Variants in MGST1 observed in about 807,000 individuals in gnomAD.
The protein encoded by MGST1 is glutathione S-transferase 12.
In MGST1, 5 loss-of-function variants were observed where a neutral mutation model predicts 8.9. That is an observed-to-expected ratio of 0.56 (90% CI 0.29 to 1.19). The LOEUF (loss-of-function observed/expected upper bound fraction) is 1.19, where lower values mean the gene tolerates loss of function less well. MGST1 is among the 50% of genes most tolerant of loss of function. The probability of loss-of-function intolerance (pLI) is 0.08; values close to 1 mark genes in which losing one functional copy is unlikely to be tolerated. For missense variants in MGST1, 182 were observed against 187.4 expected (o/e 0.97, Z 0.17); for synonymous variants, 54 against 67.8 (o/e 0.80, Z 1.00).
intron 4 of MGST1, among the ~76,000 whole-genome samples, chr12:16,444,182 GGT>G (rs1565455906): frequency 1.5e-5 from 2 of 135,050 alleles, no homozygotes; most frequent in Admixed American, 7.5e-5. Flanking sequence ...TGGCTGATTT[GGT>G]TTTTTTTTTT....
At chr12:16,545,247 T>C (rs573838606) in intron 4 of MGST1, among the ~76,000 whole-genome samples, 3 of 152,164 alleles carry the variant, frequency 2.0e-5, no homozygotes, top group African/African-American at 7.2e-5. Flanking sequence ...TAAATGGTGT[T>C]CAAATGTTGA....
chr12:16,379,111 C>A (rs1273193180), downstream of MGST1, among the ~76,000 whole-genome samples: 2 of 152,098 alleles, frequency 1.3e-5, no homozygotes, highest in African/African-American at 4.8e-5. Context: ...AATTTGACTT[C>A]CTCTTTTCCT....
In MGST1 at chr12:16,537,838, C is replaced by G. The variant is rs1941764889; in HGVS notation, n.483-51690C>G. ...CAGCCCAGGAAACCATTTTTTCCTC[C>G]TAGCCTTCCCGGTCTGTGATGGGAG... On this transcript the variant is annotated intron_variant and non_coding_transcript_variant, in intron 4 of 4. Coordinates refer to the MGST1 transcript ENST00000538857. This position sits in a 1 kb window ranked among gnomAD's most constrained non-coding sequence, Gnocchi z 4.6. Among the ~76,000 whole-genome samples the G allele has an allele frequency of 6.6e-6, 1 of 152,138 alleles. No individual in the cohort carries two copies. The highest frequency in any genetic ancestry group is 1.5e-5 in the Non-Finnish European group (1 of 67,988).
chr12:16,505,046 C>A (rs1052342559), intron 4 of MGST1, among the ~76,000 whole-genome samples: 1 of 152,122 alleles, frequency 6.6e-6, no homozygotes, highest in African/African-American at 2.4e-5. Flanking sequence ...GTTTCTGTCT[C>A]AACAAATTAT....
chr12:16,527,838 G>A (rs1327438165), intron 4 of MGST1, among the ~76,000 whole-genome samples: 1 of 151,894 alleles, frequency 6.6e-6, no homozygotes, highest in Non-Finnish European at 1.5e-5. Flanking sequence ...AGCCTTTATT[G>A]TCTGGCCCAG....
chr12:16,403,456 G>C (rs1940676268), intron 1 of MGST1, among the ~76,000 whole-genome samples: 1 of 151,984 alleles, frequency 6.6e-6, no homozygotes, highest in Non-Finnish European at 1.5e-5. Flanking sequence ...GATGTTCCAA[G>C]TGTATTTGAA....
intron 4 of MGST1, among the ~76,000 whole-genome samples, chr12:16,534,156 A>T (rs555062867): frequency 6.6e-6 from 1 of 152,320 alleles, no homozygotes; most frequent in African/African-American, 2.4e-5. Flanking sequence ...TCCAAACAAT[A>T]AAAAATCATT....
intron 1 of MGST1, among the ~76,000 whole-genome samples, chr12:16,384,363 T>C (rs759228180): frequency 1.3e-5 from 2 of 152,172 alleles, no homozygotes; most frequent in Non-Finnish European, 2.9e-5. Flanking sequence ...TAGATTGGGC[T>C]CTAAATCCAA....
intron 4 of MGST1, among the ~76,000 whole-genome samples, chr12:16,538,613 T>G (rs1941772033): frequency 1.3e-5 from 2 of 150,086 alleles, no homozygotes; most frequent in South Asian, 4.2e-4. Context: ...CACTTCTTTT[T>G]TTTTTTTTTT....
intron 4 of MGST1, among the ~76,000 whole-genome samples, chr12:16,578,424 G>A (rs539354879): frequency 6.6e-6 from 1 of 152,306 alleles, no homozygotes; most frequent in East Asian, 1.9e-4. Flanking sequence ...GAGGAACAGG[G>A]AAGAGAAGAA....
intron 4 of MGST1, among the ~76,000 whole-genome samples, chr12:16,536,550 A>G (rs1941757972): frequency 6.6e-6 from 1 of 152,238 alleles, no homozygotes; most frequent in Non-Finnish European, 1.5e-5. Flanking sequence ...CAACCTTGAA[A>G]TGACAATGTA....
intron 4 of MGST1, among the ~76,000 whole-genome samples, chr12:16,499,459 C>G (rs928963841): frequency 6.6e-6 from 1 of 152,108 alleles, no homozygotes; most frequent in African/African-American, 2.4e-5. Flanking sequence ...ATTTGTTTCC[C>G]TGTTTTTTGT....
chr12:16,421,970 G>C (rs749985689), intron 1 of MGST1, among the ~76,000 whole-genome samples: 10 of 152,254 alleles, frequency 6.6e-5, no homozygotes, highest in Middle Eastern at 3.4e-3. Flanking sequence ...GATCTTTGTG[G>C]CTGGCTGGTT....
rs563066833 is a variant in MGST1, at chr12:16,449,777, C to A, written n.482+66173C>A. On this transcript the variant is annotated intron_variant and non_coding_transcript_variant, in intron 4 of 4. Transcript: ENST00000538857. Reference sequence around the variant, plus strand: ...CAAGTGAGTCCTTCCACTCATCCATCTATCCCCCCATTCTTCCATTCTCCC... The same window carrying A: ...CAAGTGAGTCCTTCCACTCATCCATATATCCCCCCATTCTTCCATTCTCCC... Among the ~76,000 whole-genome samples, 10 of 152,086 alleles carry A rather than the reference C, an allele frequency of 6.6e-5. No individual in the cohort carries two copies. The South Asian group carries it at 1.7e-3, about 25-fold the overall frequency.
At chr12:16,478,111 C>T (rs1382549546) in intron 4 of MGST1, among the ~76,000 whole-genome samples, 1 of 152,176 alleles carries the variant, frequency 6.6e-6, no homozygotes, top group Non-Finnish European at 1.5e-5. Context: ...CTCACTGCAA[C>T]CTCTGCCTCT....
intron 4 of MGST1, among the ~76,000 whole-genome samples, chr12:16,470,106 T>C (rs1313262264): frequency 6.6e-6 from 1 of 152,226 alleles, no homozygotes; most frequent in African/African-American, 2.4e-5. Context: ...AATAGTTTAC[T>C]TATCTAAGTA....
chr12:16,588,404 T>A (rs1476477140), intron 4 of MGST1, among the ~76,000 whole-genome samples: 1 of 151,898 alleles, frequency 6.6e-6, no homozygotes, highest in Non-Finnish European at 1.5e-5. Context: ...ATCAACACTA[T>A]AAAGAAAACC....
intron 4 of MGST1, among the ~76,000 whole-genome samples, chr12:16,575,922 C>T (rs1415089610): frequency 2.0e-5 from 3 of 152,106 alleles, no homozygotes; most frequent in African/African-American, 7.2e-5. Context: ...GTTCAATGCA[C>T]GTAGAAATGA....
chr12:16,453,036 A>G (rs1432297228), intron 4 of MGST1, among the ~76,000 whole-genome samples: 1 of 151,994 alleles, frequency 6.6e-6, no homozygotes, highest in African/African-American at 2.4e-5. Flanking sequence ...TCACATCCTC[A>G]TGAAGGAAAA....
Sources: allele counts gnomAD v4.1 joint callset (sites outside exome capture counted in the v4.1 genomes callset), GRCh38; gene constraint gnomAD v4.1.1; non-coding constraint Gnocchi (gnomAD v3.1); transcripts MANE v1.5; gene names NCBI Gene and HGNC (gene_info 2026-07-23, HGNC 2026-07-21).